Variants in CELF2 observed in about 807,000 individuals in gnomAD.
The protein encoded by CELF2 is CUGBP Elav-like family member 2.
Under a neutral mutation model 62.6 loss-of-function variants are expected in CELF2, and 8 were observed. The observed-to-expected ratio is 0.13, with a 90% CI of 0.07 to 0.23. CELF2 has a LOEUF of 0.23. Ranked by LOEUF, CELF2 falls within the 10% of genes least tolerant of loss-of-function variation. The pLI is 1.00. For missense variants in CELF2, 333 were observed against 671.0 expected (o/e 0.50, Z 5.56); for synonymous variants, 258 against 250.0 (o/e 1.03, Z -0.30).
At chr10:11,221,185 T>C (rs2064759389) in intron 3 of CELF2, among the ~76,000 whole-genome samples, 1 of 152,216 alleles carries the variant, frequency 6.6e-6, no homozygotes, top group Non-Finnish European at 1.5e-5. Flanking sequence ...GGGCCATTTA[T>C]GGTTTTGGAC....
At chr10:11,180,677 C>T (rs1217129804) in intron 2 of CELF2, among the ~76,000 whole-genome samples, 1 of 152,142 alleles carries the variant, frequency 6.6e-6, no homozygotes, top group Non-Finnish European at 1.5e-5. Context: ...ACTAGTATTT[C>T]TCTGGAGTAC....
chr10:11,250,714 C>G (rs1388332886), intron 4 of CELF2, among the ~76,000 whole-genome samples: 5 of 152,230 alleles, frequency 3.3e-5, no homozygotes, highest in Non-Finnish European at 7.3e-5. Flanking sequence ...AAACATTGAA[C>G]TTGGATTTCT....
the CELF2 span, among the ~76,000 whole-genome samples, chr10:10,744,113 G>A: frequency 2.0e-5 from 3 of 152,048 alleles, no homozygotes; most frequent in African/African-American, 7.2e-5. Context: ...TTAATCCAAA[G>A]TTGCTCAAAG....
chr10:10,667,187 T>A, the CELF2 span, among the ~76,000 whole-genome samples: 2 of 152,208 alleles, frequency 1.3e-5, no homozygotes, highest in Non-Finnish European at 2.9e-5. Context: ...TGGCGTTGTG[T>A]CTATGGAAGC....
chr10:10,738,765 G>C, the CELF2 span, among the ~76,000 whole-genome samples: 1 of 152,178 alleles, frequency 6.6e-6, no homozygotes, highest in East Asian at 1.9e-4. Flanking sequence ...TCAAAGTCTA[G>C]AGGAGTTTAG....
chr10:10,758,511 T>G, the CELF2 span, among the ~76,000 whole-genome samples: 1 of 152,232 alleles, frequency 6.6e-6, no homozygotes, highest in Admixed American at 6.5e-5. Context: ...ATGATGCTGC[T>G]AGGCAAAACG....
intron 1 of CELF2, among the ~76,000 whole-genome samples, chr10:11,090,992 T>C (rs2048161952): frequency 6.6e-6 from 1 of 152,250 alleles, no homozygotes; most frequent in African/African-American, 2.4e-5. Context: ...GTATTGAATA[T>C]CATTCTTTTA....
At chr10:10,588,093 A>G in the CELF2 span, among the ~76,000 whole-genome samples, 1 of 152,078 alleles carries the variant, frequency 6.6e-6, no homozygotes, top group Non-Finnish European at 1.5e-5. Flanking sequence ...TGTGTTAAAG[A>G]AGCATAAATG....
chr10:11,251,404 G>A (rs911108011), intron 4 of CELF2, among the ~76,000 whole-genome samples: 5 of 147,424 alleles, frequency 3.4e-5, no homozygotes, highest in Admixed American at 7.1e-5. Flanking sequence ...AGTGTCCACT[G>A]TGGTCCCTGA....
intron 2 of CELF2, among the ~76,000 whole-genome samples, chr10:10,932,473 C>A (rs7923184): frequency 6.6e-6 from 1 of 151,922 alleles, no homozygotes; most frequent in Non-Finnish European, 1.5e-5. Context: ...ATTCCACAGT[C>A]TATGTATATG....
At chr10:10,781,105 G>A in the CELF2 span, among the ~76,000 whole-genome samples, 1 of 152,200 alleles carries the variant, frequency 6.6e-6, no homozygotes, top group Non-Finnish European at 1.5e-5. Context: ...TTCAGTGTCT[G>A]TATTAATCAG....
intron 1 of CELF2, among the ~76,000 whole-genome samples, chr10:11,095,134 C>T (rs2049435502): frequency 6.6e-6 from 1 of 152,086 alleles, no homozygotes; most frequent in African/African-American, 2.4e-5. Context: ...CAGCACTGGC[C>T]TTGATGCGTG....
chr10:10,859,822 T>A (rs2059952419), intron 1 of CELF2, among the ~76,000 whole-genome samples: 1 of 152,186 alleles, frequency 6.6e-6, no homozygotes, highest in South Asian at 2.1e-4. Flanking sequence ...TCAATATAAA[T>A]GATATAGTTA....
At chr10:10,790,830 T>A in the CELF2 span, among the ~76,000 whole-genome samples, 1 of 152,156 alleles carries the variant, frequency 6.6e-6, no homozygotes, top group African/African-American at 2.4e-5. Flanking sequence ...GATGCTTTAT[T>A]TATCCTTCTT....
chr10:10,533,167 A>T, the CELF2 span, among the ~76,000 whole-genome samples: 1,908 of 152,306 alleles, frequency 0.013, 38 homozygotes, highest in African/African-American at 0.043. Flanking sequence ...AGTACATTTC[A>T]ATGTGGAGAG....
intron 2 of CELF2, among the ~76,000 whole-genome samples, chr10:11,201,441 T>G (rs188744918): frequency 6.6e-6 from 1 of 152,208 alleles, no homozygotes; most frequent in Non-Finnish European, 1.5e-5. Flanking sequence ...TTACTTTTTT[T>G]GTCACCTGTG....
intron 1 of CELF2, among the ~76,000 whole-genome samples, chr10:11,140,038 T>A (rs2061070823): frequency 6.6e-6 from 1 of 152,172 alleles, no homozygotes. Context: ...TAAAGTAAAA[T>A]AGACATTTTT....
intron 1 of CELF2, among the ~76,000 whole-genome samples, chr10:11,090,885 T>C (rs1394114413): frequency 6.6e-6 from 1 of 152,220 alleles, no homozygotes; most frequent in Non-Finnish European, 1.5e-5. Flanking sequence ...TAAACAACTT[T>C]TTAATAAAAA....
At chr10:10,610,195 G>T in the CELF2 span, among the ~76,000 whole-genome samples, 1 of 152,240 alleles carries the variant, frequency 6.6e-6, no homozygotes, top group African/African-American at 2.4e-5. Context: ...AGTTAAATAA[G>T]ATCTATCAAA....
Sources: allele counts gnomAD v4.1 joint callset (sites outside exome capture counted in the v4.1 genomes callset), GRCh38; gene constraint gnomAD v4.1.1; transcripts MANE v1.5; gene names NCBI Gene and HGNC (gene_info 2026-07-23, HGNC 2026-07-21).